IGFBP7: variants seen among roughly 807,000 people sequenced by gnomAD.
The protein encoded by IGFBP7 is insulin like growth factor binding protein 7, also known as insulin-like growth factor-binding protein 7.
IGFBP7 carries 31 observed loss-of-function variants against 29.4 expected under a neutral mutation model. The ratio of observed to expected loss-of-function variants is 1.05; its 90% CI spans 0.79 to 1.42. IGFBP7 has a LOEUF of 1.42. IGFBP7 is among the 40% of genes most tolerant of loss of function. The pLI, the probability that IGFBP7 is intolerant of heterozygous loss-of-function variation, is 0.00. For synonymous variants in IGFBP7, 172 were observed against 174.9 expected (o/e 0.98, Z 0.13); for missense variants, 393 against 395.5 (o/e 0.99, Z 0.05).
At position 57,031,066 on chromosome 4, in the gene IGFBP7, A is replaced by G. The variant is rs1723905284; in HGVS notation, c.*251T>C. 1.1e-6 allele frequency: 1 copy of G among 906,270 alleles called. No individual in the cohort carries two copies. The highest frequency in any genetic ancestry group is 1.3e-5 in the South Asian group (1 of 75,208). 56.1% of individuals were successfully genotyped at this position (906,270 alleles called of 1,614,324 possible). A position where few individuals can be genotyped will look rare whatever the true frequency, so the allele number is the denominator to read the frequency against. On this transcript the variant is annotated 3_prime_UTR_variant, in exon 5 of 5. Coordinates refer to ENST00000295666, the MANE Select transcript of IGFBP7 (RefSeq NM_001553.3). Reference sequence around the variant, plus strand: ...TTGTGTGGCTTTTTAAAAATGACAAATATGTACTGTGTTGTGATAAAAAGT... The same window carrying G: ...TTGTGTGGCTTTTTAAAAATGACAAGTATGTACTGTGTTGTGATAAAAAGT...
intron 1 of IGFBP7, among the ~76,000 whole-genome samples, chr4:57,107,352 A>G (rs1726059042): frequency 6.6e-6 from 1 of 152,206 alleles, no homozygotes; most frequent in South Asian, 2.1e-4. Context: ...ACTCAAGCAT[A>G]ACTTAAGTTT....
chr4:57,069,567 G>A (rs73242635), intron 1 of IGFBP7, among the ~76,000 whole-genome samples: 3,851 of 152,252 alleles, frequency 0.025, 77 homozygotes, highest in Non-Finnish European at 0.039. Context: ...GGGAGGTGGA[G>A]GTAGAAGCAT....
intron 1 of IGFBP7, among the ~76,000 whole-genome samples, chr4:57,083,781 T>G (rs970502556): frequency 6.6e-6 from 1 of 152,244 alleles, no homozygotes; most frequent in African/African-American, 2.4e-5. Flanking sequence ...GCTAATCTGT[T>G]AATCCTTTCT....
rs573485717 is a variant in IGFBP7, at chr4:57,094,356, C to T, written c.475+15521G>A. Among the ~76,000 whole-genome samples the T allele has an allele frequency of 1.4e-4, 21 of 152,194 alleles. No individual in the cohort carries two copies. In the South Asian group the frequency reaches 2.3e-3, roughly 17 times the overall value. ...TGGAAACTGGGAGAGAGATGACAGG[C>T]GTGGTTGTGGGGAGGGTGTGGACAG... On this transcript the variant is annotated intron_variant, in intron 1 of 4. Transcript: ENST00000295666.
chr4:57,077,425 A>T (rs368703911), intron 1 of IGFBP7, among the ~76,000 whole-genome samples: 2 of 152,090 alleles, frequency 1.3e-5, no homozygotes, highest in Non-Finnish European at 2.9e-5. Context: ...TTACAAGCAC[A>T]TGCCACCATA....
At position 57,085,000 on chromosome 4, in the gene IGFBP7, G is replaced by C. The variant is rs565445616; in HGVS notation, c.475+24877C>G. Among the ~76,000 whole-genome samples the C allele has an allele frequency of 3.0e-4, 46 of 151,934 alleles. 1 individual carries two copies. Among genetic ancestry groups the C allele is most frequent in the Non-Finnish European group, 1.2e-4 (8 of 67,954 alleles). ...TACAGGGTCTCACTATGTTGCCTGG[G>C]CTGGTCTCGAACTCCTGGGATCAAG... On this transcript the variant is annotated intron_variant, in intron 1 of 4. Transcript: ENST00000295666.
intron 2 of IGFBP7, among the ~76,000 whole-genome samples, chr4:57,038,689 T>C (rs1163101740): frequency 6.6e-6 from 1 of 152,216 alleles, no homozygotes; most frequent in African/African-American, 2.4e-5. Context: ...CTAAGTTCCT[T>C]TTTTGGTAGC....
At chr4:57,079,156 C>G (rs1025300235) in intron 1 of IGFBP7, among the ~76,000 whole-genome samples, 83 of 117,006 alleles carry the variant, frequency 7.1e-4, no homozygotes, top group Non-Finnish European at 1.0e-3. Flanking sequence ...GAGTATTTCT[C>G]TTTGCTGTCT....
At chr4:57,033,737 A>G (rs924089024) in intron 2 of IGFBP7, among the ~76,000 whole-genome samples, 2 of 152,144 alleles carry the variant, frequency 1.3e-5, no homozygotes, top group Admixed American at 6.5e-5. Flanking sequence ...AGCTTCATCA[A>G]TGGAAAATAG....
intron 1 of IGFBP7, among the ~76,000 whole-genome samples, chr4:57,043,053 C>T (rs1297808348): frequency 6.6e-6 from 1 of 152,152 alleles, no homozygotes; most frequent in Admixed American, 6.5e-5. Flanking sequence ...TGCGCCTGTC[C>T]CCTGACGGCC....
chr4:57,056,073 G>A (rs1168258584), intron 1 of IGFBP7, among the ~76,000 whole-genome samples: 1 of 151,994 alleles, frequency 6.6e-6, no homozygotes, highest in Admixed American at 6.6e-5. Context: ...AACCCCAGAC[G>A]TTAGCCAGCC....
At chr4:57,079,961 GC>G (rs575666842) in intron 1 of IGFBP7, among the ~76,000 whole-genome samples, 106 of 152,284 alleles carry the variant, frequency 7.0e-4, no homozygotes, top group African/African-American at 2.2e-3. Flanking sequence ...GGAATTGGAG[GC>G]TTTGAGAGGT....
chr4:57,074,368 T>C (rs1051901222), intron 1 of IGFBP7, among the ~76,000 whole-genome samples: 6 of 152,038 alleles, frequency 3.9e-5, no homozygotes, highest in South Asian at 2.1e-4. Flanking sequence ...GCCTGAAAAT[T>C]TACCTCTAAT....
chr4:57,070,665 A>G (rs1442918651), intron 1 of IGFBP7, among the ~76,000 whole-genome samples: 3 of 152,218 alleles, frequency 2.0e-5, no homozygotes, highest in Non-Finnish European at 4.4e-5. Context: ...GGCCTGAACC[A>G]TAACTGTTCT....
At chr4:57,073,283 T>C (rs1035580141) in intron 1 of IGFBP7, among the ~76,000 whole-genome samples, 14 of 152,148 alleles carry the variant, frequency 9.2e-5, no homozygotes, top group Non-Finnish European at 5.9e-5. Flanking sequence ...AGTTGAGTGC[T>C]TGTGATGTAT....
intron 1 of IGFBP7, among the ~76,000 whole-genome samples, chr4:57,068,599 G>A (rs1182315017): frequency 6.6e-6 from 1 of 152,146 alleles, no homozygotes; most frequent in Non-Finnish European, 1.5e-5. Flanking sequence ...CAAATGGCAG[G>A]ATTTTGTCAT....
chr4:57,056,685 G>A (rs369409098), intron 1 of IGFBP7, among the ~76,000 whole-genome samples: 56 of 152,324 alleles, frequency 3.7e-4, no homozygotes, highest in African/African-American at 1.3e-3. Context: ...TCAGGCTGGG[G>A]GACAGAGGAG....
chr4:57,032,573 A>G (rs766565857), intron 3 of IGFBP7, 21 bp from the exon 4 acceptor site: 4 of 1,576,356 alleles, frequency 2.5e-6, no homozygotes, highest in East Asian at 2.2e-5. Flanking sequence ...AAAAAGATCT[A>G]GTATTCCTCT....
rs1282085628 is a variant in IGFBP7, at chr4:57,098,166, CTT to C, written c.475+11709_475+11710del. ...CCAAGTTTTTGCTTATTCGCTCTCT[CTT>C]GGGAGAACGTCAGGTGGCTCATAAA... On this transcript the variant is annotated intron_variant, in intron 1 of 4. Transcript: ENST00000295666. 9.2e-5 allele frequency among the ~76,000 whole-genome samples: 14 copies of C among 152,276 alleles called. No homozygotes were observed. The East Asian group carries it at 1.7e-3, about 19-fold the overall frequency.
Sources: allele counts gnomAD v4.1 joint callset (sites outside exome capture counted in the v4.1 genomes callset), GRCh38; gene constraint gnomAD v4.1.1; transcripts MANE v1.5; gene names NCBI Gene and HGNC (gene_info 2026-07-23, HGNC 2026-07-21).